The following SLC9A9 variants were observed in gnomAD, a reference collection of about 807,000 sequenced individuals.
SLC9A9 encodes the protein solute carrier family 9 member A9.
In SLC9A9, 62 loss-of-function variants were observed where a neutral mutation model predicts 77.8. The ratio of observed to expected loss-of-function variants is 0.80; its 90% CI spans 0.65 to 0.98. The LOEUF (loss-of-function observed/expected upper bound fraction) is 0.98. Ranked by LOEUF, SLC9A9 falls within the 50% of genes least tolerant of loss-of-function variation. The pLI is 0.00. For missense variants in SLC9A9, 775 were observed against 774.9 expected (o/e 1.00, Z 0.00); for synonymous variants, 320 against 283.5 (o/e 1.13, Z -1.29).
intron 4 of SLC9A9, among the ~76,000 whole-genome samples, chr3:143,789,365 G>T (rs1413450868): frequency 1.3e-5 from 2 of 152,154 alleles, no homozygotes; most frequent in Admixed American, 6.5e-5. Flanking sequence ...GCTTCCTAGA[G>T]AATCTGATGA....
intron 5 of SLC9A9, among the ~76,000 whole-genome samples, chr3:143,664,342 A>G (rs2039028204): frequency 6.6e-6 from 1 of 152,232 alleles, no homozygotes; most frequent in African/African-American, 2.4e-5. Context: ...GTAAACATGG[A>G]AAGGAACAAC....
At chr3:143,272,565 C>A (rs1937927848) in intron 14 of SLC9A9, among the ~76,000 whole-genome samples, 1 of 152,136 alleles carries the variant, frequency 6.6e-6, no homozygotes, top group African/African-American at 2.4e-5. Context: ...AATTGGATAA[C>A]CAATTTGGAA....
chr3:143,694,765 T>C (rs890400150), intron 4 of SLC9A9, among the ~76,000 whole-genome samples: 23 of 152,168 alleles, frequency 1.5e-4, no homozygotes, highest in African/African-American at 5.3e-4. Context: ...TTTTACATGA[T>C]ATGTTATCTC....
intron 14 of SLC9A9, among the ~76,000 whole-genome samples, chr3:143,310,937 T>G (rs1394836381): frequency 6.6e-6 from 1 of 152,182 alleles, no homozygotes; most frequent in Non-Finnish European, 1.5e-5. Flanking sequence ...TGGGAGGATG[T>G]CTGAAGTCCT....
At chr3:143,541,686 A>G (rs2036692583) in intron 9 of SLC9A9, among the ~76,000 whole-genome samples, 1 of 152,156 alleles carries the variant, frequency 6.6e-6, no homozygotes, top group Non-Finnish European at 1.5e-5. Flanking sequence ...CAAGCCCTTG[A>G]AGTCATTGAA....
chr3:143,623,375 C>G (rs1244354035), intron 6 of SLC9A9, among the ~76,000 whole-genome samples: 1 of 152,168 alleles, frequency 6.6e-6, no homozygotes, highest in Non-Finnish European at 1.5e-5. Flanking sequence ...TAAAGCACTC[C>G]TCAGCAAATG....
rs113246765 is a variant in SLC9A9, at chr3:143,469,025, T to C, written c.1316-1835A>G. 9.9e-3 allele frequency among the ~76,000 whole-genome samples: 1,504 copies of C among 152,264 alleles called. 28 individuals are homozygous for C. Among genetic ancestry groups the C allele is most frequent in the African/African-American group, 0.033 (1,377 of 41,554 alleles). On this transcript the variant is annotated intron_variant, in intron 11 of 15. Transcript: ENST00000316549. ...AAATACAAAAATTAGCTGGGCATAG[T>C]GGCGCACACCTATAGTCCCAATTAC...
intron 4 of SLC9A9, among the ~76,000 whole-genome samples, chr3:143,718,117 C>A (rs1165911980): frequency 6.6e-6 from 1 of 151,894 alleles, no homozygotes; most frequent in Non-Finnish European, 1.5e-5. Context: ...TAGTGCATCC[C>A]ACCTAAGCCA....
At chr3:143,625,103 T>C (rs1298677480) in intron 6 of SLC9A9, among the ~76,000 whole-genome samples, 1 of 152,068 alleles carries the variant, frequency 6.6e-6, no homozygotes, top group African/African-American at 2.4e-5. Context: ...CACTGCTCAA[T>C]GAAATAAAAG....
intron 12 of SLC9A9, among the ~76,000 whole-genome samples, chr3:143,446,758 G>A (rs1576502032): frequency 6.6e-6 from 1 of 152,160 alleles, no homozygotes; most frequent in Non-Finnish European, 1.5e-5. Context: ...ATGGGTAAAA[G>A]GTTCTCAGGA....
chr3:143,287,693 C>T (rs1416567114), intron 14 of SLC9A9, among the ~76,000 whole-genome samples: 1 of 152,236 alleles, frequency 6.6e-6, no homozygotes, highest in Admixed American at 6.5e-5. Context: ...ATTTTCTGCT[C>T]AGCACCTTGT....
At chr3:143,565,709 G>GGTT (rs879379288) in intron 8 of SLC9A9, among the ~76,000 whole-genome samples, 2 of 147,954 alleles carry the variant, frequency 1.4e-5, no homozygotes, top group African/African-American at 5.0e-5. Context: ...GAGCCTCAGG[G>GGTT]TTTTGTTTTT....
chr3:143,690,763 G>T (rs2108780626), intron 5 of SLC9A9, among the ~76,000 whole-genome samples: 1 of 152,172 alleles, frequency 6.6e-6, no homozygotes, highest in African/African-American at 2.4e-5. Context: ...ACATTATTTT[G>T]AAAATTAGTA....
At chr3:143,704,780 G>A (rs1474313030) in intron 4 of SLC9A9, among the ~76,000 whole-genome samples, 1 of 151,970 alleles carries the variant, frequency 6.6e-6, no homozygotes, top group Non-Finnish European at 1.5e-5. Flanking sequence ...ATCACCTGAG[G>A]TTAGGGGTTC....
At chr3:143,682,420 C>G (rs1180820611) in intron 5 of SLC9A9, among the ~76,000 whole-genome samples, 2 of 152,074 alleles carry the variant, frequency 1.3e-5, no homozygotes, top group African/African-American at 2.4e-5. Flanking sequence ...TTAAATCATT[C>G]ATTTTATATC....
At chr3:143,349,579 C>A (rs1338491630) in intron 14 of SLC9A9, among the ~76,000 whole-genome samples, 2 of 152,184 alleles carry the variant, frequency 1.3e-5, no homozygotes, top group African/African-American at 4.8e-5. Context: ...CCCCATTTTA[C>A]AGATTATGAA....
At chr3:143,318,342 A>ACTT (rs2031299901) in intron 14 of SLC9A9, among the ~76,000 whole-genome samples, 1 of 152,194 alleles carries the variant, frequency 6.6e-6, no homozygotes, top group African/African-American at 2.4e-5. Context: ...AAAATAAAAT[A>ACTT]GATAAGCAAG....
At chr3:143,276,712 C>T (rs1384163596) in intron 14 of SLC9A9, among the ~76,000 whole-genome samples, 3 of 151,994 alleles carry the variant, frequency 2.0e-5, no homozygotes, top group Admixed American at 2.0e-4. Context: ...ATCACAACTC[C>T]TATATGAGTC....
intron 9 of SLC9A9, among the ~76,000 whole-genome samples, chr3:143,514,310 A>G (rs1217876050): frequency 6.6e-6 from 1 of 152,002 alleles, no homozygotes; most frequent in East Asian, 1.9e-4. Context: ...GTTGGTCCAT[A>G]TATAGAGCAC....
Sources: gnomAD v4.1 joint callset for allele counts (sites outside exome capture counted in the v4.1 genomes callset) on GRCh38, gnomAD v4.1.1 for gene constraint, MANE v1.5 for transcripts, NCBI Gene and HGNC (gene_info 2026-07-23, HGNC 2026-07-21) for gene names.